Variants in LRRC8C observed in about 807,000 individuals in gnomAD.
LRRC8C encodes volume-regulated anion channel subunit LRRC8C.
LRRC8C carries 20 observed loss-of-function variants against 55.3 expected under a neutral mutation model. The observed-to-expected ratio is 0.36, with a 90% confidence interval of 0.25 to 0.53. LRRC8C has a LOEUF of 0.53. LRRC8C is among the 20% of genes least tolerant of loss of function. The pLI, the probability that LRRC8C is intolerant of heterozygous loss-of-function variation, is 0.92. For missense variants in LRRC8C, 659 were observed against 951.4 expected, an observed-to-expected ratio of 0.69 and a Z score of 4.04; for synonymous variants, 376 against 360.7, an observed-to-expected ratio of 1.04 and a Z score of -0.48.
rs548487968 is a variant in LRRC8C, at chr1:89,671,817, G to A, written c.-4-14653G>A. ...AGTTTTCTCCATTTAACAGCCACAT[G>A]CAAGGTGAAGCTGTGAAGCTTTACA... On this transcript the variant is annotated intron_variant, in intron 1 of 2. Transcript: ENST00000370454. Among the ~76,000 whole-genome samples, 666 of 152,362 alleles carry A rather than the reference G, an allele frequency of 4.4e-3. 2 individuals are homozygous for A. The highest frequency in any genetic ancestry group is 7.3e-3 in the Non-Finnish European group (500 of 68,036).
chr1:89,645,575 A>C (rs1391954889), intron 1 of LRRC8C, among the ~76,000 whole-genome samples: 1 of 152,206 alleles, frequency 6.6e-6, no homozygotes, highest in Non-Finnish European at 1.5e-5. Context: ...ATATTACCAC[A>C]GTCTAACTAC....
chr1:89,668,111 G>C (rs1355727440), intron 1 of LRRC8C: 3 of 152,572 alleles, frequency 2.0e-5, no homozygotes, highest in Non-Finnish European at 4.4e-5. Context: ...CCATGAAAAG[G>C]AAGTAAGTAC....
intron 1 of LRRC8C, among the ~76,000 whole-genome samples, chr1:89,646,124 G>A (rs113554540): frequency 0.027 from 4,151 of 151,918 alleles, 192 homozygotes; most frequent in African/African-American, 0.095. Flanking sequence ...AAATGAAATC[G>A]AAATCAGATG....
chr1:89,629,515 C>T (rs183389834), upstream of LRRC8C, among the ~76,000 whole-genome samples: 78 of 152,276 alleles, frequency 5.1e-4, no homozygotes, highest in African/African-American at 1.7e-3. Flanking sequence ...GATACATATA[C>T]ATAATACATA....
intron 1 of LRRC8C, among the ~76,000 whole-genome samples, chr1:89,671,519 A>T (rs1657415304): frequency 6.6e-6 from 1 of 152,158 alleles, no homozygotes; most frequent in African/African-American, 2.4e-5. Flanking sequence ...GAGAGTAAAG[A>T]CATGGTTGAC....
chr1:89,626,663 T>C, the LRRC8C span: 1 of 152,120 alleles, frequency 6.6e-6, no homozygotes, highest in Non-Finnish European at 1.5e-5. Context: ...AATAGCCAGA[T>C]GAAGAGATAT....
At chr1:89,683,087 C>G (rs1318178904) in intron 1 of LRRC8C, among the ~76,000 whole-genome samples, 1 of 152,154 alleles carries the variant, frequency 6.6e-6, no homozygotes, top group Non-Finnish European at 1.5e-5. Flanking sequence ...TGATCACCAC[C>G]ATGAGCTTGA....
chr1:89,622,150 A>G, the LRRC8C span, among the ~76,000 whole-genome samples: 1 of 152,090 alleles, frequency 6.6e-6, no homozygotes, highest in Non-Finnish European at 1.5e-5. Context: ...AGGGCGTGAT[A>G]AGAGTGTGGG....
At chr1:89,698,406 T>C (rs989571924) in intron 2 of LRRC8C, among the ~76,000 whole-genome samples, 4 of 152,182 alleles carry the variant, frequency 2.6e-5, no homozygotes, top group Non-Finnish European at 5.9e-5. Context: ...AAACTAAGCA[T>C]GGTGTCTATC....
chr1:89,686,587 C>A lies in LRRC8C; in HGVS notation c.114C>A (p.Ile38=). ...ACCTCTCAGTAGCCATGCTCATGAT[C>A]GGCGTGTTTGGATGTACTTTACAGG... ...TDYLSVAMLM[I]GVFGCTLQVM... Residue 38 remains isoleucine (I), a synonymous_variant, in exon 2 of 3, where the codon ATC becomes ATA. Coordinates refer to ENST00000370454, the MANE Select transcript of LRRC8C (RefSeq NM_032270.5). 6.2e-7 allele frequency: 1 copy of A among 1,614,006 alleles called. No homozygotes were observed. The highest frequency in any genetic ancestry group is 8.5e-7 in the Non-Finnish European group (1 of 1,180,004).
chr1:89,686,413 A>G (rs1437430281), intron 1 of LRRC8C, 57 bp from the exon 2 acceptor site: 5 of 1,585,618 alleles, frequency 3.2e-6, no homozygotes, highest in Non-Finnish European at 4.3e-6. Flanking sequence ...TTTGGTAACA[A>G]TGCAGTATGT....
rs774981080 is a variant in LRRC8C at position 89,686,551 on chromosome 1, G to A, written c.78G>A (p.Val26=). Reference sequence around the variant, plus strand: ...GAGTGCTGAAGCCATGGTGGGATGTGTTTACCGATTACCTCTCAGTAGCCA... The same window carrying A: ...GAGTGCTGAAGCCATGGTGGGATGTATTTACCGATTACCTCTCAGTAGCCA... ...AFRVLKPWWD[V]FTDYLSVAML... Residue 26 remains valine (V), a synonymous_variant, in exon 2 of 3, where the codon GTG becomes GTA. Coordinates refer to ENST00000370454, the MANE Select transcript of LRRC8C (RefSeq NM_032270.5). The A allele has an allele frequency of 3.5e-5, 56 of 1,614,082 alleles. No homozygotes were observed. The Admixed American group carries it at 4.8e-4, about 14-fold the overall frequency.
intron 1 of LRRC8C, among the ~76,000 whole-genome samples, chr1:89,661,855 A>G (rs1425617831): frequency 6.7e-6 from 1 of 150,150 alleles, no homozygotes; most frequent in Non-Finnish European, 1.5e-5. Context: ...TTATCTAAAC[A>G]AGAGGAGGGT....
At chr1:89,617,857 G>T in the LRRC8C span, among the ~76,000 whole-genome samples, 1 of 152,106 alleles carries the variant, frequency 6.6e-6, no homozygotes. Flanking sequence ...TTTTTATAAA[G>T]ACTGTATCTC....
intron 2 of LRRC8C, among the ~76,000 whole-genome samples, chr1:89,712,405 G>A (rs1412490762): frequency 3.9e-5 from 6 of 152,140 alleles, no homozygotes; most frequent in Admixed American, 1.3e-4. Context: ...GAGCCACTGC[G>A]CCTGGCTGCT....
chr1:89,655,233 T>C (rs1386160183), intron 1 of LRRC8C, among the ~76,000 whole-genome samples: 2 of 152,158 alleles, frequency 1.3e-5, no homozygotes, highest in Non-Finnish European at 2.9e-5. Flanking sequence ...GATTTTTTCA[T>C]TATCTTATTT....
Position 89,714,482 on chromosome 1 carries a change from A to C in LRRC8C, c.1912A>C (p.Lys638Gln), listed in dbSNP as rs763270880. The change falls in exon 3 of 3, where the codon AAG becomes CAG. Residue 638 changes from lysine (K) to glutamine (Q), a missense_variant. Lys to Gln is a moderately conservative substitution (Grantham distance 53). Coordinates refer to ENST00000370454, the MANE Select transcript of LRRC8C (RefSeq NM_032270.5). This position sits in a 1 kb window ranked among gnomAD's most constrained non-coding sequence, Gnocchi z 4.6. Reference protein sequence around the residue: ...EEIVSFQHLRKLTVLKLWHNS... With the variant: ...EEIVSFQHLRQLTVLKLWHNS... Reference sequence around the variant, plus strand: ...AATCGTTAGCTTTCAGCACTTAAGAAAGTTGACAGTGCTAAAACTGTGGCA... The same window carrying C: ...AATCGTTAGCTTTCAGCACTTAAGACAGTTGACAGTGCTAAAACTGTGGCA... The C allele has an allele frequency of 2.5e-6, 4 of 1,614,128 alleles. No individual in the cohort carries two copies. The highest frequency in any genetic ancestry group is 1.6e-4 in the Middle Eastern group (1 of 6,062).
chr1:89,661,247 A>G, intron 1 of LRRC8C: 1 of 261,780 alleles, frequency 3.8e-6, no homozygotes, highest in East Asian at 9.9e-5. Context: ...GTTTGCTGTA[A>G]TCCACAATTA....
chr1:89,709,727 G>GT (rs1395174904), intron 2 of LRRC8C, among the ~76,000 whole-genome samples: 4 of 146,784 alleles, frequency 2.7e-5, no homozygotes, highest in Non-Finnish European at 4.5e-5. Flanking sequence ...GTTTTGTTTT[G>GT]TTTTTTGTGT....
Sources: gnomAD v4.1 joint callset for allele counts (sites outside exome capture counted in the v4.1 genomes callset) on GRCh38, gnomAD v4.1.1 for gene constraint, Gnocchi (gnomAD v3.1) non-coding constraint, MANE v1.5 for transcripts, NCBI Gene and HGNC (gene_info 2026-07-23, HGNC 2026-07-21) for gene names.